The following NSMCE2 variants were observed in gnomAD, a reference collection of about 807,000 sequenced individuals.
The protein encoded by NSMCE2 is NSE2 SUMO ligase component of SMC5/6 complex.
In NSMCE2, 24 loss-of-function variants were observed where a neutral mutation model predicts 23.8. The observed-to-expected ratio is 1.01, with a 90% CI of 0.73 to 1.42. The LOEUF is 1.42. Among genes scored for constraint, NSMCE2 ranks in the 40% most tolerant of loss-of-function variants. NSMCE2 has a pLI of 0.00. For synonymous variants in NSMCE2, 92 were observed against 94.1 expected (o/e 0.98, Z 0.13); for missense variants, 284 against 296.5 (o/e 0.96, Z 0.31).
intron 5 of NSMCE2, among the ~76,000 whole-genome samples, chr8:125,225,484 G>A (rs1269842621): frequency 6.6e-6 from 1 of 152,168 alleles, no homozygotes; most frequent in African/African-American, 2.4e-5. Flanking sequence ...GCTGCAAAAA[G>A]AGGTTGAAGA....
intron 5 of NSMCE2, among the ~76,000 whole-genome samples, chr8:125,298,688 TTTTTTTTTG>T (rs1828427742): frequency 1.6e-5 from 1 of 62,514 alleles, no homozygotes; most frequent in African/African-American, 7.1e-5. Flanking sequence ...CATCTGTGGG[TTTTTTTTTG>T]TTTTTTTTTT....
In NSMCE2 at chr8:125,093,680, G is replaced by A. The variant is rs544364796; in HGVS notation, c.-111+1722G>A. Among the ~76,000 whole-genome samples, 4 of 152,248 alleles carry A rather than the reference G, an allele frequency of 2.6e-5. No individual in the cohort carries two copies. In the South Asian group the frequency reaches 6.2e-4, roughly 24 times the overall value. On this transcript the variant is annotated intron_variant, in intron 1 of 7. Transcript: ENST00000287437. ...AGAGGTTGAGGTGAGCCGAGATCATGCCACTGCACTCCAGTTTGGGCGACA... is the reference window on the plus strand; with the variant it reads ...AGAGGTTGAGGTGAGCCGAGATCATACCACTGCACTCCAGTTTGGGCGACA...
chr8:125,213,145 A>G (rs1274201105), intron 5 of NSMCE2, among the ~76,000 whole-genome samples: 1 of 152,246 alleles, frequency 6.6e-6, no homozygotes, highest in Non-Finnish European at 1.5e-5. Context: ...TGTATGAAAA[A>G]GAAATGTTGA....
intron 5 of NSMCE2, among the ~76,000 whole-genome samples, chr8:125,303,269 T>C (rs1338655899): frequency 6.6e-6 from 1 of 152,178 alleles, no homozygotes; most frequent in Non-Finnish European, 1.5e-5. Flanking sequence ...GATGTTGTTC[T>C]CAACTGAATG....
At chr8:125,245,090 C>T (rs1485697533) in intron 5 of NSMCE2, among the ~76,000 whole-genome samples, 2 of 151,936 alleles carry the variant, frequency 1.3e-5, no homozygotes, top group African/African-American at 4.8e-5. Context: ...AAGACCAGCC[C>T]GACCAACATG....
intron 7 of NSMCE2, among the ~76,000 whole-genome samples, chr8:125,359,694 T>C (rs960854966): frequency 3.3e-5 from 5 of 152,190 alleles, no homozygotes; most frequent in East Asian, 1.9e-4. Flanking sequence ...AATCACCTCA[T>C]TGGCATATTT....
At chr8:125,249,565 C>A (rs1826123634) in intron 5 of NSMCE2, among the ~76,000 whole-genome samples, 1 of 152,132 alleles carries the variant, frequency 6.6e-6, no homozygotes, top group South Asian at 2.1e-4. Context: ...ACTTTGAATG[C>A]CACCTACTCA....
chr8:125,115,351 A>C (rs1818953508), intron 3 of NSMCE2, among the ~76,000 whole-genome samples: 1 of 152,236 alleles, frequency 6.6e-6, no homozygotes, highest in African/African-American at 2.4e-5. Context: ...CTTTAAAAGT[A>C]ACAAAGCCTA....
rs1346813506 is a variant in NSMCE2 at position 125,366,839 on chromosome 8, G to A, written c.698G>A (p.Arg233Lys). ...CTTATCCAGGATGAAGCACTTAGAA[G>A]GGCAATTGAGAACCATAACAAGAAA... ...SDLIQDEALR[R>K]AIENHNKKRH... Residue 233 changes from arginine (R) to lysine (K), a missense_variant, in exon 8 of 8, where the codon AGG (arginine) becomes AAG (lysine). By Grantham distance (26) the Arg-to-Lys change is conservative. Transcript: ENST00000287437. 6.2e-7 allele frequency: 1 copy of A among 1,613,120 alleles called. No homozygotes were observed. The highest frequency in any genetic ancestry group is 1.3e-5 in the African/African-American group (1 of 74,902).
intron 5 of NSMCE2, among the ~76,000 whole-genome samples, chr8:125,208,959 C>T (rs1824222301): frequency 6.6e-6 from 1 of 152,096 alleles, no homozygotes; most frequent in African/African-American, 2.4e-5. Flanking sequence ...GGTGCCAAGG[C>T]TTAATTTTGT....
intron 5 of NSMCE2, among the ~76,000 whole-genome samples, chr8:125,189,760 C>T (rs959463202): frequency 1.3e-5 from 2 of 152,152 alleles, no homozygotes; most frequent in Non-Finnish European, 2.9e-5. Context: ...TTTGAAAATT[C>T]CTTAAAATGC....
chr8:125,201,488 G>C (rs1823872278), intron 5 of NSMCE2, among the ~76,000 whole-genome samples: 1 of 152,180 alleles, frequency 6.6e-6, no homozygotes. Flanking sequence ...GTTTGCCTGG[G>C]TATCACCAGC....
chr8:125,234,242 A>G (rs909410848), intron 5 of NSMCE2, among the ~76,000 whole-genome samples: 6 of 152,158 alleles, frequency 3.9e-5, no homozygotes, highest in African/African-American at 1.2e-4. Context: ...TGACCAGGCT[A>G]TAAGTTCTGA....
chr8:125,150,819 T>C (rs117802090), intron 3 of NSMCE2, among the ~76,000 whole-genome samples: 6,121 of 152,234 alleles, frequency 0.04, 243 homozygotes, highest in Non-Finnish European at 0.051. Flanking sequence ...AGCTGCTTAA[T>C]GGATGAGGGA....
At chr8:125,272,777 GTA>G (rs1434381963) in intron 5 of NSMCE2, among the ~76,000 whole-genome samples, 10 of 120,274 alleles carry the variant, frequency 8.3e-5, no homozygotes, top group African/African-American at 2.0e-4. Context: ...ACACACACAC[GTA>G]TATATATACA....
At position 125,234,192 on chromosome 8, in the gene NSMCE2, C is replaced by CA. The variant is rs1002884455; in HGVS notation, c.418+51947dup. Among the ~76,000 whole-genome samples the CA allele has an allele frequency of 1.5e-3, 214 of 146,768 alleles. 1 individual carries two copies. The highest frequency in any genetic ancestry group is 4.1e-3 in the African/African-American group (163 of 40,170). On this transcript the variant is annotated intron_variant, in intron 5 of 7. Transcript: ENST00000287437. The stretch of plus-strand genomic sequence containing the variant: ...TGGGCGACAGAGCGAGACTCCGTCT[C>CA]AAAAAAAAAAATCTCTGGCCTTTAT...
At chr8:125,157,284 T>C (rs1401548969) in intron 4 of NSMCE2, among the ~76,000 whole-genome samples, 1 of 152,176 alleles carries the variant, frequency 6.6e-6, no homozygotes, top group Non-Finnish European at 1.5e-5. Flanking sequence ...GGGAAAGTAC[T>C]AGGAGACTCA....
intron 5 of NSMCE2, among the ~76,000 whole-genome samples, chr8:125,293,112 A>G (rs778761417): frequency 3.9e-5 from 6 of 152,194 alleles, no homozygotes; most frequent in Non-Finnish European, 8.8e-5. Flanking sequence ...ATTTAATTAT[A>G]CAACAATAAT....
intron 4 of NSMCE2, among the ~76,000 whole-genome samples, chr8:125,165,763 G>T (rs760273667): frequency 5.9e-5 from 9 of 152,026 alleles, no homozygotes; most frequent in South Asian, 4.1e-4. Flanking sequence ...GCAGTTTTTT[G>T]ATTAGACTTG....
Sources: gnomAD v4.1 joint callset for allele counts (sites outside exome capture counted in the v4.1 genomes callset) on GRCh38, gnomAD v4.1.1 for gene constraint, MANE v1.5 for transcripts, NCBI Gene and HGNC (gene_info 2026-07-23, HGNC 2026-07-21) for gene names.